Variants in NFU1 observed in about 807,000 individuals in gnomAD.
The protein encoded by NFU1 is NFU1 iron-sulfur cluster scaffold, also known as NFU1 iron-sulfur cluster scaffold homolog, mitochondrial.
A neutral mutation model predicts 32.2 loss-of-function variants in NFU1; 30 were observed. That is an observed-to-expected ratio of 0.93 (90% CI 0.70 to 1.26). NFU1 has a LOEUF of 1.26. NFU1 is among the 50% of genes most tolerant of loss of function. The pLI is 0.00. For missense variants in NFU1, 306 were observed against 306.6 expected (o/e 1.00, Z 0.02); for synonymous variants, 112 against 104.6 (o/e 1.07, Z -0.43).
chr2:69,423,200 T>C (rs1457061762), intron 3 of NFU1, among the ~76,000 whole-genome samples: 3 of 83,230 alleles, frequency 3.6e-5, no homozygotes, highest in African/African-American at 5.5e-5. Flanking sequence ...ATGGGCTGTG[T>C]GTGTGTGTGG....
intron 1 of NFU1, among the ~76,000 whole-genome samples, chr2:69,435,803 A>C (rs888353984): frequency 6.6e-6 from 1 of 152,142 alleles, no homozygotes; most frequent in Non-Finnish European, 1.5e-5. Context: ...CCCAGGCTGA[A>C]GTGCAGTGGC....
intron 2 of NFU1, among the ~76,000 whole-genome samples, chr2:69,430,363 C>T (rs1673599111): frequency 1.3e-5 from 2 of 152,038 alleles, no homozygotes; most frequent in Non-Finnish European, 2.9e-5. Context: ...CAGGCATGCA[C>T]CACCAAGCCC....
intron 2 of NFU1, among the ~76,000 whole-genome samples, chr2:69,429,679 T>C (rs1208991915): frequency 6.6e-6 from 1 of 152,078 alleles, no homozygotes; most frequent in Non-Finnish European, 1.5e-5. Flanking sequence ...AGTATGAAAA[T>C]GAATGACATC....
intron 2 of NFU1, among the ~76,000 whole-genome samples, chr2:69,425,731 C>A (rs543931996): frequency 6.6e-6 from 1 of 152,136 alleles, no homozygotes; most frequent in South Asian, 2.1e-4. Context: ...AGTGATCCAC[C>A]TACCTCAGCC....
chr2:69,403,214 T>C (rs1309466021), intron 6 of NFU1, among the ~76,000 whole-genome samples: 1 of 152,084 alleles, frequency 6.6e-6, no homozygotes, highest in Non-Finnish European at 1.5e-5. Flanking sequence ...CTATAGTTGA[T>C]TTTGTTTTTT....
chr2:69,434,617 A>C (rs1170669075), intron 1 of NFU1, among the ~76,000 whole-genome samples: 1 of 152,252 alleles, frequency 6.6e-6, no homozygotes, highest in Non-Finnish European at 1.5e-5. Context: ...AATCCGGTTT[A>C]CTTGAAAATA....
At chr2:69,408,615 G>A (rs1672774912) in intron 5 of NFU1, among the ~76,000 whole-genome samples, 1 of 151,754 alleles carries the variant, frequency 6.6e-6, no homozygotes. Flanking sequence ...AGCTACTCCA[G>A]AGGCTGAGGC....
chr2:69,396,496 C>T (rs533435634), intron 7 of NFU1, among the ~76,000 whole-genome samples: 2 of 152,212 alleles, frequency 1.3e-5, no homozygotes, highest in African/African-American at 4.8e-5. Flanking sequence ...CCCATCTCTA[C>T]TGAAAATACA....
intron 4 of NFU1, among the ~76,000 whole-genome samples, chr2:69,418,087 A>C (rs1673115629): frequency 6.8e-6 from 1 of 148,144 alleles, no homozygotes; most frequent in Non-Finnish European, 1.5e-5. Context: ...CTCCTTAAAA[A>C]ATATGGAAGA....
intron 5 of NFU1, among the ~76,000 whole-genome samples, chr2:69,409,558 GA>G (rs987407907): frequency 2.6e-5 from 4 of 152,072 alleles, no homozygotes; most frequent in African/African-American, 4.8e-5. Context: ...AATTTACAAA[GA>G]AAAAAATGTT....
rs1373497650 is a variant in NFU1 at position 69,424,219 on chromosome 2, A to ATCTCTC, written c.167-503_167-502insGAGAGA. ...AAAAAATATATATATATATATATAT[A>ATCTCTC]TCTCAATATATTTAAGTGCATATAG... On this transcript the variant is annotated intron_variant, in intron 2 of 7. Coordinates refer to ENST00000410022, the MANE Select transcript of NFU1 (RefSeq NM_001002755.4). 2.1e-3 allele frequency among the ~76,000 whole-genome samples: 262 copies of ATCTCTC among 126,878 alleles called. 1 individual carries two copies. Among genetic ancestry groups the ATCTCTC allele is most frequent in the African/African-American group, 7.2e-3 (251 of 34,956 alleles). The allele number at this position is 126,878 out of a possible 152,430, so 83.2% of individuals were successfully genotyped here. A position where few individuals can be genotyped will look rare whatever the true frequency, so the allele number is the denominator to read the frequency against.
At chr2:69,403,725 G>A (rs1295955891) in intron 6 of NFU1, among the ~76,000 whole-genome samples, 2 of 151,676 alleles carry the variant, frequency 1.3e-5, no homozygotes, top group Non-Finnish European at 2.9e-5. Flanking sequence ...TTCTCTCCCT[G>A]TGCTTCAGGC....
intron 3 of NFU1, among the ~76,000 whole-genome samples, chr2:69,421,661 G>A (rs148300518): frequency 0.012 from 1,711 of 138,118 alleles, 31 homozygotes; most frequent in African/African-American, 0.044. Flanking sequence ...TCTGCCTCCC[G>A]GGTTCATGCC....
chr2:69,400,627 T>C (rs979275214), intron 6 of NFU1, 89 bp from the exon 7 acceptor site: 1 of 1,123,150 alleles, frequency 8.9e-7, no homozygotes, highest in African/African-American at 1.6e-5. Flanking sequence ...TTAAATTTTA[T>C]ATTAGTAAAA....
chr2:69,433,496 G>C (rs1162012466), intron 1 of NFU1, among the ~76,000 whole-genome samples: 2 of 149,986 alleles, frequency 1.3e-5, no homozygotes, highest in East Asian at 2.0e-4. Context: ...TTTTTTTTGA[G>C]ACTGAGTCTC....
intron 4 of NFU1, among the ~76,000 whole-genome samples, chr2:69,418,908 A>G (rs1673147234): frequency 1.3e-5 from 2 of 152,250 alleles, no homozygotes; most frequent in African/African-American, 4.8e-5. Context: ...GTCAATTAAC[A>G]GATTTAAAAG....
At chr2:69,407,674 CAAAA>C (rs200321994) in intron 5 of NFU1, among the ~76,000 whole-genome samples, 3 of 103,116 alleles carry the variant, frequency 2.9e-5, no homozygotes, top group Non-Finnish European at 5.8e-5. Context: ...GACTCTATCT[CAAAA>C]AAAAAAAAAA....
intron 1 of NFU1, among the ~76,000 whole-genome samples, chr2:69,435,724 T>C (rs1285903187): frequency 6.6e-6 from 1 of 152,128 alleles, no homozygotes; most frequent in East Asian, 1.9e-4. Context: ...AGCTCCAGTG[T>C]TGATCACAGT....
intron 6 of NFU1, among the ~76,000 whole-genome samples, chr2:69,405,148 G>A (rs991148206): frequency 6.6e-6 from 1 of 152,030 alleles, no homozygotes; most frequent in Non-Finnish European, 1.5e-5. Flanking sequence ...TCAGGAGGCT[G>A]AATCTGGAGA....
Sources: gnomAD v4.1 joint callset for allele counts (sites outside exome capture counted in the v4.1 genomes callset) on GRCh38, gnomAD v4.1.1 for gene constraint, MANE v1.5 for transcripts, NCBI Gene and HGNC (gene_info 2026-07-23, HGNC 2026-07-21) for gene names.